The following GPATCH1 variants were observed in gnomAD, a reference collection of about 807,000 sequenced individuals.
The protein encoded by GPATCH1 is G patch domain-containing protein 1.
In GPATCH1, 73 loss-of-function variants were observed where a neutral mutation model predicts 114.9. That is an observed-to-expected ratio of 0.64 (90% confidence interval 0.53 to 0.77). The LOEUF is 0.77. Among genes scored for constraint, GPATCH1 ranks in the 30% least tolerant of loss-of-function variants. GPATCH1 has a pLI of 0.00. For missense variants in GPATCH1, 1,058 were observed against 1,144.3 expected, an observed-to-expected ratio of 0.92 and a Z score of 1.09; for synonymous variants, 391 against 428.4, an observed-to-expected ratio of 0.91 and a Z score of 1.08.
At chr19:33,101,270 G>GCCC (rs995425771) in intron 8 of GPATCH1, among the ~76,000 whole-genome samples, 11 of 152,206 alleles carry the variant, frequency 7.2e-5, no homozygotes, top group African/African-American at 2.2e-4. Flanking sequence ...GACCTGGGTA[G>GCCC]CCCAATCTGT....
chr19:33,089,276 G>C (rs1972568612), intron 2 of GPATCH1, among the ~76,000 whole-genome samples: 1 of 152,152 alleles, frequency 6.6e-6, no homozygotes, highest in Non-Finnish European at 1.5e-5. Flanking sequence ...AGGTTAAGGA[G>C]CCAGCATGGC....
rs570550638 is a variant in GPATCH1, at chr19:33,121,466, T to C, written c.2521+2349T>C. Among the ~76,000 whole-genome samples, 37 of 152,048 alleles carry C rather than the reference T, an allele frequency of 2.4e-4. No homozygotes were observed. The East Asian group carries it at 7.0e-3, about 29-fold the overall frequency. On this transcript the variant is annotated intron_variant, in intron 17 of 19. Coordinates refer to ENST00000170564, the MANE Select transcript of GPATCH1 (RefSeq NM_018025.3). Reference sequence around the variant, plus strand: ...TCCCAAGTAGCTGGGATTACAGGCATGTGCCACCATGGCTGGCTAATTTTG... The same window carrying C: ...TCCCAAGTAGCTGGGATTACAGGCACGTGCCACCATGGCTGGCTAATTTTG...
chr19:33,095,905 A>C, intron 6 of GPATCH1, 85 bp downstream of exon 6: 1 of 970,768 alleles, frequency 1.0e-6, no homozygotes, highest in East Asian at 2.4e-5. Context: ...AGACAATTTT[A>C]GAAATCAGAT....
intron 1 of GPATCH1, among the ~76,000 whole-genome samples, chr19:33,084,293 G>T (rs897147988): frequency 6.6e-6 from 1 of 152,144 alleles, no homozygotes; most frequent in East Asian, 1.9e-4. Context: ...TATTAGTTAA[G>T]AGTTAACCAG....
chr19:33,081,223 A>G lies in GPATCH1; in HGVS notation c.30A>G (p.Glu10=), dbSNP rs140377964. The G allele has an allele frequency of 4.3e-5, 67 of 1,551,800 alleles. No individual in the cohort carries two copies. In the African/African-American group the frequency reaches 8.7e-4, roughly 20 times the overall value. The change falls in exon 1 of 20, where the codon GAA becomes GAG. Residue 10 remains glutamate, a synonymous_variant. Coordinates refer to ENST00000170564, the MANE Select transcript of GPATCH1 (RefSeq NM_018025.3). MAARDSDSE[E]DLVSYGTGLE... ...CGGCGCGGGACAGTGACAGCGAAGA[A>G]GATCTGGTCAGCTATGGGACCGGGC... is the stretch of plus-strand genomic sequence containing the variant.
intron 9 of GPATCH1, among the ~76,000 whole-genome samples, chr19:33,102,674 C>T (rs867607813): frequency 1.4e-4 from 22 of 152,132 alleles, no homozygotes; most frequent in Middle Eastern, 6.8e-3. Context: ...GAATTACAGG[C>T]GTGAGCCACC....
At chr19:33,083,108 G>C (rs928007951) in intron 1 of GPATCH1, among the ~76,000 whole-genome samples, 2 of 90,324 alleles carry the variant, frequency 2.2e-5, no homozygotes, top group African/African-American at 1.4e-4. Context: ...GGGCGTGGTG[G>C]GGGGGGGCTC....
chr19:33,095,562 CT>C (rs920526614), intron 5 of GPATCH1, among the ~76,000 whole-genome samples, 199 bp from the exon 6 acceptor site: 37 of 146,324 alleles, frequency 2.5e-4, no homozygotes, highest in Admixed American at 2.7e-4. Context: ...TGCGCCCAGC[CT>C]TTTTTTTTTT....
In GPATCH1 at chr19:33,118,020, G is replaced by A. The variant is rs760787927; in HGVS notation, c.2392G>A (p.Glu798Lys). 2.7e-5 allele frequency: 43 copies of A among 1,613,314 alleles called. No homozygotes were observed. The highest frequency in any genetic ancestry group is 1.6e-4 in the Middle Eastern group (1 of 6,084). The change falls in exon 16 of 20, where the codon GAA becomes AAA. Residue 798 changes from glutamate to lysine, a missense_variant. Physicochemically the swap from Glu to Lys is moderately conservative, Grantham distance 56. Coordinates refer to ENST00000170564, the MANE Select transcript of GPATCH1 (RefSeq NM_018025.3). ...FQSSQDTDLG[E>K]TSSVAHALVP... is the part of the protein sequence containing the mutation. ...AAGCTCCCAAGACACTGACTTGGGG[G>A]AAACATCATCTGTGGCTCACGGTAT...
At chr19:33,118,661 C>T (rs1399520971) in intron 16 of GPATCH1, among the ~76,000 whole-genome samples, 1 of 152,134 alleles carries the variant, frequency 6.6e-6, no homozygotes, top group African/African-American at 2.4e-5. Context: ...GTCTTACATT[C>T]CTGATGGTTT....
intron 1 of GPATCH1, among the ~76,000 whole-genome samples, chr19:33,082,697 C>T (rs532414369): frequency 2.0e-5 from 3 of 151,964 alleles, no homozygotes; most frequent in Non-Finnish European, 2.9e-5. Context: ...AACAAACAAA[C>T]GAAACAAAAG....
chr19:33,101,422 TA>T, intron 8 of GPATCH1, 72 bp from the exon 9 acceptor site: 2 of 840,628 alleles, frequency 2.4e-6, no homozygotes, highest in Non-Finnish European at 2.0e-6. Context: ...GATAAGAACG[TA>T]AAATGCTGAT....
intron 9 of GPATCH1, among the ~76,000 whole-genome samples, chr19:33,101,855 C>A (rs1313694421): frequency 6.6e-6 from 1 of 151,118 alleles, no homozygotes; most frequent in East Asian, 1.9e-4. Flanking sequence ...CATGGAGAAA[C>A]CCCGTCTCTA....
intron 19 of GPATCH1, among the ~76,000 whole-genome samples, 186 bp from the exon 20 acceptor site, chr19:33,129,944 C>CGG (rs200628032): frequency 3.6e-5 from 3 of 84,100 alleles, no homozygotes; most frequent in Admixed American, 1.3e-4. Context: ...GACTCCATCT[C>CGG]GGGGGAAAAA....
At position 33,090,809 on chromosome 19, in the gene GPATCH1, C is replaced by T. The variant is rs144223467; in HGVS notation, c.238C>T (p.Arg80Ter). ...GACACCCTCTACCTTTGTGTCTTCA[C>T]GACAGAACAGAGCAGACAAATCTGT... The part of the protein sequence containing the change: ...GWTPSTFVSS[R>*]QNRADKSVLG... The change falls in exon 3 of 20, where the codon CGA becomes TGA. Residue 80 changes from arginine (R) to a stop codon, truncating the protein, a stop_gained. Coordinates refer to ENST00000170564, the MANE Select transcript of GPATCH1 (RefSeq NM_018025.3). LOFTEE classifies it high-confidence loss of function. 22 of 1,612,412 alleles carry T rather than the reference C, an allele frequency of 1.4e-5. No individual in the cohort carries two copies. The highest frequency in any genetic ancestry group is 6.6e-5 in the South Asian group (6 of 91,042).
rs146182377 is a variant in GPATCH1, at chr19:33,102,489, C to T, written c.1080+915C>T. On this transcript the variant is annotated intron_variant, in intron 9 of 19. Transcript: ENST00000170564. The stretch of plus-strand genomic sequence containing the variant: ...TCAGCTCACCGCAACCTCCGCCTCC[C>T]AAATTCAAGCGATTCTCCTGCCTCA... Among the ~76,000 whole-genome samples, 129 of 150,914 alleles carry T rather than the reference C, an allele frequency of 8.5e-4. 1 individual carries two copies. The East Asian group carries it at 0.021, about 25-fold the overall frequency.
intron 18 of GPATCH1, among the ~76,000 whole-genome samples, chr19:33,126,169 A>G (rs1223547164): frequency 2.6e-5 from 4 of 152,158 alleles, no homozygotes; most frequent in Non-Finnish European, 4.4e-5. Flanking sequence ...CTGTTCGGTA[A>G]CCTTCTGCCA....
rs1972827976 is a variant in GPATCH1 at position 33,109,737 on chromosome 19, G to A, written c.1306G>A (p.Glu436Lys). The part of the protein sequence containing the change: ...PIQGSATSVL[E>K]FLSQKDKERI... Reference sequence around the variant, plus strand: ...TTTAGGTTCAGCTACTTCAGTGTTAGAATTTCTGTCCCAAAAAGACAAAGA... The same window carrying A: ...TTTAGGTTCAGCTACTTCAGTGTTAAAATTTCTGTCCCAAAAAGACAAAGA... The change falls in exon 11 of 20, where the codon GAA (glutamate) becomes AAA (lysine). Residue 436 changes from glutamate to lysine, a missense_variant. Physicochemically the swap from Glu to Lys is moderately conservative, Grantham distance 56. Around this residue, in one of 3 missense-constraint regions of GPATCH1, gnomAD observed 893 missense variants for 977.4 expected, o/e 0.91. Transcript: ENST00000170564. The A allele has an allele frequency of 3.8e-6, 6 of 1,576,138 alleles. No homozygotes were observed. In the Middle Eastern group the frequency reaches 6.8e-4, roughly 179 times the overall value.
intron 6 of GPATCH1, among the ~76,000 whole-genome samples, 163 bp downstream of exon 6, chr19:33,095,983 C>CA (rs1417431678): frequency 6.6e-6 from 1 of 152,154 alleles, no homozygotes; most frequent in African/African-American, 2.4e-5. Context: ...ACATATTCAG[C>CA]AACATGCCAG....
Sources: gnomAD v4.1 joint callset for allele counts (sites outside exome capture counted in the v4.1 genomes callset) on GRCh38, gnomAD v4.1.1 for gene constraint, gnomAD v4.1.1 regional missense constraint, MANE v1.5 for transcripts, NCBI Gene and HGNC (gene_info 2026-07-23, HGNC 2026-07-21) for gene names.